Variants in DNAJC11 observed in about 807,000 individuals in gnomAD.
DNAJC11 encodes the protein DnaJ heat shock protein family (Hsp40) member C11, also known as dnaJ homolog subfamily C member 11.
DNAJC11 carries 15 observed loss-of-function variants against 78.6 expected under a neutral mutation model. The ratio of observed to expected loss-of-function variants is 0.19; its 90% confidence interval spans 0.13 to 0.29. The LOEUF (loss-of-function observed/expected upper bound fraction) is 0.29, where lower values mean the gene tolerates loss of function less well. DNAJC11 is among the 10% of genes least tolerant of loss of function. The pLI is 1.00. For synonymous variants in DNAJC11, 292 were observed against 272.1 expected (o/e 1.07, Z -0.72); for missense variants, 547 against 709.6 (o/e 0.77, Z 2.60).
rs528699119 is a variant in DNAJC11 at position 6,652,441 on chromosome 1, T to C, written c.630+388A>G. ...CAGATATGAGACCTATTTATTTATTTATTTTTGAGACGGAATTTTGCTCTT... is the reference window on the plus strand; with the variant it reads ...CAGATATGAGACCTATTTATTTATTCATTTTTGAGACGGAATTTTGCTCTT... On this transcript the variant is annotated intron_variant, in intron 6 of 15. Transcript: ENST00000377577. 3.3e-5 allele frequency among the ~76,000 whole-genome samples: 5 copies of C among 152,278 alleles called. No individual in the cohort carries two copies. The South Asian group carries it at 1.0e-3, about 32-fold the overall frequency.
At chr1:6,672,522 C>CATTT (rs1477962682) in intron 3 of DNAJC11, among the ~76,000 whole-genome samples, 2 of 152,178 alleles carry the variant, frequency 1.3e-5, no homozygotes, top group African/African-American at 4.8e-5. Context: ...CAGATCATTC[C>CATTT]ATTTTTAGTC....
Position 6,652,813 on chromosome 1 carries a change from CA to C in DNAJC11, c.630+15del, listed in dbSNP as rs1387591066. The stretch of plus-strand genomic sequence containing the variant: ...CTTTGCACAGACAACACAACTCAGC[CA>C]ATAGACATTCTTACCTCTCCCCATC... On this transcript the variant is annotated intron_variant, in intron 6 of 15. Coordinates refer to ENST00000377577, the MANE Select transcript of DNAJC11 (RefSeq NM_018198.4). 6.2e-7 allele frequency: 1 copy of C among 1,614,036 alleles called. No individual in the cohort carries two copies. Among genetic ancestry groups the C allele is most frequent in the Non-Finnish European group, 8.5e-7 (1 of 1,179,972 alleles).
chr1:6,698,696 C>A (rs1642878846), intron 1 of DNAJC11, among the ~76,000 whole-genome samples: 1 of 151,434 alleles, frequency 6.6e-6, no homozygotes, highest in African/African-American at 2.4e-5. Flanking sequence ...AATCCCAGCA[C>A]TTTGGGAGGC....
intron 7 of DNAJC11, among the ~76,000 whole-genome samples, chr1:6,649,870 GTTAA>G (rs975713837): frequency 3.3e-5 from 5 of 151,954 alleles, no homozygotes; most frequent in South Asian, 2.1e-4. Flanking sequence ...ACCATGCCTG[GTTAA>G]TTTTTATATT....
chr1:6,686,763 T>G (rs546945146), intron 1 of DNAJC11, among the ~76,000 whole-genome samples: 1 of 152,382 alleles, frequency 6.6e-6, no homozygotes, highest in Admixed American at 6.5e-5. Context: ...TTTGATACTT[T>G]GAAGACTGAA....
intron 6 of DNAJC11, among the ~76,000 whole-genome samples, chr1:6,652,407 AG>A (rs1458462581): frequency 2.0e-5 from 3 of 152,198 alleles, no homozygotes; most frequent in South Asian, 4.1e-4. Context: ...GAAGACTGAC[AG>A]GACTTCTCAG....
rs1170037335 is a variant in DNAJC11 at position 6,634,914 on chromosome 1, G to A, written c.*761C>T. On this transcript the variant is annotated 3_prime_UTR_variant, in exon 16 of 16. Coordinates refer to ENST00000377577, the MANE Select transcript of DNAJC11 (RefSeq NM_018198.4). ...GCACTGCACTCTGGAGGTGGGTGGT[G>A]CAGGCGGTGGAGGGACACAGGCCAG... 8.5e-7 allele frequency: 1 copy of A among 1,171,388 alleles called. No individual in the cohort carries two copies. Among genetic ancestry groups the A allele is most frequent in the Non-Finnish European group, 1.1e-6 (1 of 923,478 alleles). The allele number at this position is 1,171,388 out of a possible 1,614,324, so 72.6% of individuals were successfully genotyped here.
chr1:6,687,608 C>T (rs1414785029), intron 1 of DNAJC11, among the ~76,000 whole-genome samples: 6 of 152,108 alleles, frequency 3.9e-5, no homozygotes, highest in East Asian at 3.9e-4. Flanking sequence ...CCGCCCACCT[C>T]GGCCTCCCAA....
chr1:6,640,631 A>G (rs1641860930), intron 10 of DNAJC11, among the ~76,000 whole-genome samples: 1 of 152,140 alleles, frequency 6.6e-6, no homozygotes, highest in Admixed American at 6.5e-5. Context: ...CAGGAATTTG[A>G]GACCAGCCTG....
At chr1:6,693,662 A>G (rs1274885102) in intron 1 of DNAJC11, among the ~76,000 whole-genome samples, 13 of 151,916 alleles carry the variant, frequency 8.6e-5, no homozygotes, top group African/African-American at 3.1e-4. Context: ...GATTACAGGC[A>G]TGAGCCACCA....
intron 12 of DNAJC11, chr1:6,637,948 G>T: frequency 2.6e-6 from 1 of 384,582 alleles, no homozygotes; most frequent in Non-Finnish European, 4.7e-6. Context: ...CCTCAGACAG[G>T]CATGTGCTCG....
At chr1:6,665,179 T>A (rs1642276204) in intron 4 of DNAJC11, among the ~76,000 whole-genome samples, 1 of 152,170 alleles carries the variant, frequency 6.6e-6, no homozygotes, top group Non-Finnish European at 1.5e-5. Flanking sequence ...GCAACCCTCC[T>A]TCGTCTGCCT....
chr1:6,687,515 C>A (rs1473993829), intron 1 of DNAJC11, among the ~76,000 whole-genome samples: 1 of 152,018 alleles, frequency 6.6e-6, no homozygotes, highest in Non-Finnish European at 1.5e-5. Flanking sequence ...CGCCACCATG[C>A]CCGGCTAAAT....
chr1:6,641,560 C>T (rs1641879292), intron 10 of DNAJC11, among the ~76,000 whole-genome samples: 1 of 146,606 alleles, frequency 6.8e-6, no homozygotes, highest in Non-Finnish European at 1.5e-5. Flanking sequence ...TTTGAAGTGA[C>T]AGGGTCTCAC....
intron 1 of DNAJC11, among the ~76,000 whole-genome samples, chr1:6,682,103 A>C (rs1642562208): frequency 6.7e-6 from 1 of 149,638 alleles, no homozygotes; most frequent in South Asian, 2.1e-4. Flanking sequence ...GAGGGCCTGG[A>C]ACACAGATCC....
chr1:6,650,315 C>T (rs1407923471), intron 7 of DNAJC11, among the ~76,000 whole-genome samples: 1 of 152,088 alleles, frequency 6.6e-6, no homozygotes, highest in African/African-American at 2.4e-5. Flanking sequence ...CTTCTAATCT[C>T]AGTGCTTTGG....
intron 6 of DNAJC11, 61 bp from the exon 7 acceptor site, chr1:6,651,663 G>T: frequency 7.7e-7 from 1 of 1,293,572 alleles, no homozygotes; most frequent in Non-Finnish European, 1.1e-6. Flanking sequence ...AGCAACCCAG[G>T]CTCAGGTATG....
chr1:6,695,380 C>T (rs1222678133), intron 1 of DNAJC11, among the ~76,000 whole-genome samples: 4 of 151,934 alleles, frequency 2.6e-5, no homozygotes, highest in African/African-American at 9.7e-5. Context: ...TAAATACCTA[C>T]TTATGACAGG....
chr1:6,652,317 C>A (rs546088518), intron 6 of DNAJC11, among the ~76,000 whole-genome samples: 1 of 152,322 alleles, frequency 6.6e-6, no homozygotes, highest in Non-Finnish European at 1.5e-5. Flanking sequence ...AACAAACACA[C>A]GGAGTTTCAG....
Sources: gnomAD v4.1 joint callset for allele counts (sites outside exome capture counted in the v4.1 genomes callset) on GRCh38, gnomAD v4.1.1 for gene constraint, MANE v1.5 for transcripts, NCBI Gene and HGNC (gene_info 2026-07-23, HGNC 2026-07-21) for gene names.